The following PARP2 variants were observed in gnomAD, a reference collection of about 807,000 sequenced individuals.
PARP2 encodes the protein poly(ADP-ribose) polymerase 2, also known as poly [ADP-ribose] polymerase 2.
A neutral mutation model predicts 77.8 loss-of-function variants in PARP2; 57 were observed. The observed-to-expected ratio is 0.73, with a 90% CI of 0.59 to 0.91. The LOEUF (loss-of-function observed/expected upper bound fraction) is 0.91. PARP2 is among the 40% of genes least tolerant of loss of function. PARP2 has a pLI of 0.00. For missense variants in PARP2, 651 were observed against 689.0 expected, an observed-to-expected ratio of 0.94 and a Z score of 0.62; for synonymous variants, 226 against 242.6, an observed-to-expected ratio of 0.93 and a Z score of 0.64.
intron 7 of PARP2, among the ~76,000 whole-genome samples, chr14:20,353,830 G>A (rs1315382431): frequency 6.6e-6 from 1 of 152,036 alleles, no homozygotes; most frequent in Non-Finnish European, 1.5e-5. Context: ...ATTCTGAGTT[G>A]TAAAATGTGG....
chr14:20,357,521 G>A lies in PARP2; in HGVS notation c.1553+1G>A. 1 of 1,608,920 alleles carries A rather than the reference G, an allele frequency of 6.2e-7. No individual in the cohort carries two copies. Among genetic ancestry groups the A allele is most frequent in the Non-Finnish European group, 8.5e-7 (1 of 1,178,188 alleles). On this transcript the variant is annotated splice_donor_variant, in intron 15 of 15. Transcript: ENST00000429687. LOFTEE classifies it high-confidence loss of function. ...CCAGTTCTGCCCACTTCGTCACCCT[G>A]TAAGTACTCAGAACCAGGAGGACTA...
rs1128782 is a variant in PARP2, at chr14:20,357,408, C to T, written c.1441C>T (p.Gln481Ter). Residue 481 changes from glutamine (Q) to a stop codon, truncating the protein, a stop_gained, in exon 15 of 16, where the codon CAG becomes TAG. Coordinates refer to ENST00000429687, the MANE Select transcript of PARP2 (RefSeq NM_001042618.2). LOFTEE classifies it high-confidence loss of function. ...TTTTGCTTTGCAGGTAGCTCTAGGT[C>T]AGTGTAATGAACTACTAGAGGCCAA... Reference protein sequence around the residue: ...LLLLSEVALGQCNELLEANPK... With the variant: ...LLLLSEVALG The T allele has an allele frequency of 3.7e-5, 59 of 1,609,156 alleles. No individual in the cohort carries two copies. The highest frequency in any genetic ancestry group is 4.9e-5 in the Non-Finnish European group (58 of 1,178,484).
In PARP2 at chr14:20,345,103, C is replaced by T. The variant is rs375984083; in HGVS notation, c.202+16C>T. ...AAGCAAGATGGTATGCCAGGAAGGT[C>T]ATGGGCCAGCAAAAGGGTCTCTGGT... On this transcript the variant is annotated intron_variant, in intron 2 of 15. Transcript: ENST00000429687. 119 of 1,613,764 alleles carry T rather than the reference C, an allele frequency of 7.4e-5. No homozygotes were observed. The African/African-American group carries it at 1.4e-3, about 19-fold the overall frequency.
Position 20,350,601 on chromosome 14 carries a change from G to A in PARP2, c.400G>A (p.Val134Ile), listed in dbSNP as rs1470918286. The A allele has an allele frequency of 2.5e-6, 4 of 1,605,690 alleles. No individual in the cohort carries two copies. In the Admixed American group the frequency reaches 5.0e-5, roughly 20 times the overall value. The stretch of plus-strand genomic sequence containing the variant: ...AGATGATGCCCAGAGGAACTTCAGT[G>A]TTTGGATGAGATGGGGCCGAGGTAA... ...LEDDAQRNFS[V>I]WMRWGRVGKM... The change falls in exon 5 of 16, where the codon GTT becomes ATT. Residue 134 changes from valine to isoleucine, a missense_variant. Physicochemically the swap from Val to Ile is conservative, Grantham distance 29. Coordinates refer to ENST00000429687, the MANE Select transcript of PARP2 (RefSeq NM_001042618.2).
chr14:20,343,748 C>G, intron 1 of PARP2, 61 bp downstream of exon 1: 1 of 1,530,084 alleles, frequency 6.5e-7, no homozygotes, highest in Non-Finnish European at 9.0e-7. Context: ...AGGAACGATG[C>G]CACCTACTGT....
intron 3 of PARP2, 118 bp downstream of exon 3, chr14:20,345,582 G>A: frequency 1.4e-6 from 1 of 695,830 alleles, no homozygotes; most frequent in Non-Finnish European, 2.5e-6. Flanking sequence ...TCCAAAATAT[G>A]ATGAGTGAGT....
intron 8 of PARP2, 135 bp downstream of exon 8, chr14:20,354,382 T>C: frequency 1.4e-6 from 1 of 735,518 alleles, no homozygotes; most frequent in South Asian, 1.9e-5. Context: ...TGACAGGTTG[T>C]ATGGAGGGAA....
chr14:20,346,964 G>T (rs1345038873), intron 4 of PARP2, 51 bp downstream of exon 4: 1 of 1,074,564 alleles, frequency 9.3e-7, no homozygotes. Context: ...CCATCTTCTT[G>T]ATAATTATTG....
At chr14:20,353,947 T>C (rs1359815645) in intron 7 of PARP2, 138 bp from the exon 8 acceptor site, 6 of 667,124 alleles carry the variant, frequency 9.0e-6, no homozygotes, top group Non-Finnish European at 1.5e-5. Flanking sequence ...AGCCTTTTTT[T>C]CCTTGCTTCT....
Position 20,352,262 on chromosome 14 carries a change from A to G in PARP2, c.515A>G (p.Lys172Arg), listed in dbSNP as rs1454223869. The G allele has an allele frequency of 1.2e-6, 2 of 1,612,026 alleles. No individual in the cohort carries two copies. Among genetic ancestry groups the G allele is most frequent in the African/African-American group, 1.3e-5 (1 of 74,904 alleles). Residue 172 changes from lysine (K) to arginine (R), a missense_variant, in exon 7 of 16, where the codon AAA (lysine) becomes AGA (arginine). By Grantham distance (26) the Lys-to-Arg change is conservative. Transcript: ENST00000429687. ...IFQKKFLDKT[K>R]NNWEDREKFE... ...CTCTACAGATTCCTTGACAAAACGAAAAACAATTGGGAAGATCGAGAAAAG... is the reference window on the plus strand; with the variant it reads ...CTCTACAGATTCCTTGACAAAACGAGAAACAATTGGGAAGATCGAGAAAAG...
In PARP2 at chr14:20,354,860, T is replaced by C. The variant is rs371236543; in HGVS notation, c.815T>C (p.Ile272Thr). 71 of 1,613,724 alleles carry C rather than the reference T, an allele frequency of 4.4e-5. No individual in the cohort carries two copies. The highest frequency in any genetic ancestry group is 6.7e-5 in the East Asian group (3 of 44,880). The change falls in exon 9 of 16, where the codon ATT becomes ACT. Residue 272 changes from isoleucine (I) to threonine (T), a missense_variant. Transcript: ENST00000429687. ...GCAGGTTACCAGTCTCTTAAGAAGATTGAGGATTGTATTCGGGCTGGCCAG... is the reference window on the plus strand; with the variant it reads ...GCAGGTTACCAGTCTCTTAAGAAGACTGAGGATTGTATTCGGGCTGGCCAG... ...IKAGYQSLKKIEDCIRAGQHG... is the reference protein window; with the variant it reads ...IKAGYQSLKKTEDCIRAGQHG...
At chr14:20,346,321 CT>C (rs71108595) in intron 3 of PARP2, among the ~76,000 whole-genome samples, 6,402 of 90,288 alleles carry the variant, frequency 0.071, 359 homozygotes, top group African/African-American at 0.26. Context: ...CAGTTAGAAT[CT>C]TTTTTTTTTT....
Position 20,357,840 on chromosome 14 carries a change from A to C in PARP2, c.*43A>C. 3.2e-6 allele frequency: 5 copies of C among 1,566,408 alleles called. No homozygotes were observed. The highest frequency in any genetic ancestry group is 4.4e-6 in the Non-Finnish European group (5 of 1,142,654). On this transcript the variant is annotated 3_prime_UTR_variant, in exon 16 of 16. Coordinates refer to ENST00000429687, the MANE Select transcript of PARP2 (RefSeq NM_001042618.2). The stretch of plus-strand genomic sequence containing the variant: ...ACCAGAGATCTGATCTTCAAGCAAG[A>C]AAATAAGCAGTGTTGTACTTGTGAA...
chr14:20,355,653 C>G (rs1218062222), intron 9 of PARP2, 99 bp from the exon 10 acceptor site: 8 of 828,006 alleles, frequency 9.7e-6, no homozygotes, highest in Non-Finnish European at 1.2e-5. Context: ...TTTCTCATAC[C>G]TGTTTTCTAA....
chr14:20,355,791 G>C lies in PARP2; in HGVS notation c.942G>C (p.Leu314=), dbSNP rs1427883868. ...CACTAATCCGGACACAGAAGGAACT[G>C]TCAGAAAAAATACAATTACTAGAGG... ...TPPLIRTQKE[L]SEKIQLLEAL... The change falls in exon 10 of 16, where the codon CTG becomes CTC. Residue 314 remains leucine (L), a synonymous_variant. Coordinates refer to ENST00000429687, the MANE Select transcript of PARP2 (RefSeq NM_001042618.2). 1 of 1,613,720 alleles carries C rather than the reference G, an allele frequency of 6.2e-7. No homozygotes were observed. The highest frequency in any genetic ancestry group is 1.3e-5 in the African/African-American group (1 of 74,900).
intron 4 of PARP2, among the ~76,000 whole-genome samples, chr14:20,349,074 C>T (rs1883869007): frequency 6.6e-6 from 1 of 151,838 alleles, no homozygotes; most frequent in Non-Finnish European, 1.5e-5. Flanking sequence ...TGTGGTGGCT[C>T]ATGCCTGTCA....
At chr14:20,350,418 T>G (rs957957315) in intron 4 of PARP2, 108 bp from the exon 5 acceptor site, 3 of 600,742 alleles carry the variant, frequency 5.0e-6, no homozygotes, top group African/African-American at 3.7e-5. Context: ...GATGCTATCC[T>G]TTTCCTTATG....
chr14:20,356,822 A>G, intron 13 of PARP2, 133 bp downstream of exon 13: 1 of 757,380 alleles, frequency 1.3e-6, no homozygotes, highest in South Asian at 1.6e-5. Context: ...TAACCTTGTC[A>G]TCTCTTACTG....
chr14:20,346,724 T>C, intron 3 of PARP2, 139 bp from the exon 4 acceptor site: 1 of 639,266 alleles, frequency 1.6e-6, no homozygotes, highest in Non-Finnish European at 2.9e-6. Context: ...AACATAGGTT[T>C]GCAATTCTTT....
Sources: allele counts gnomAD v4.1 joint callset (sites outside exome capture counted in the v4.1 genomes callset), GRCh38; gene constraint gnomAD v4.1.1; transcripts MANE v1.5; gene names NCBI Gene and HGNC (gene_info 2026-07-23, HGNC 2026-07-21).